SLC7A2: variants seen among roughly 807,000 people sequenced by gnomAD.
SLC7A2 encodes cationic amino acid transporter 2.
In SLC7A2, 48 loss-of-function variants were observed where a neutral mutation model predicts 58.9. The observed-to-expected ratio is 0.82, with a 90% CI of 0.65 to 1.04. The LOEUF (loss-of-function observed/expected upper bound fraction) is 1.04. Among genes scored for constraint, SLC7A2 ranks in the 50% least tolerant of loss-of-function variants. SLC7A2 has a pLI of 0.00. For synonymous variants in SLC7A2, 363 were observed against 314.5 expected, an observed-to-expected ratio of 1.15 and a Z score of -1.63; for missense variants, 1,029 against 818.8, an observed-to-expected ratio of 1.26 and a Z score of -3.13.
chr8:17,562,090 C>T lies in SLC7A2; in HGVS notation c.1651C>T (p.Gln551Ter). ...VLTIWRQPQN[Q>*]QKVAFMVPFL... ...CACCATCTGGAGGCAGCCCCAGAAT[C>T]AGCAAAAAGTAGCCTTCATGGTATG... is the stretch of plus-strand genomic sequence containing the variant. The change falls in exon 11 of 13, where the codon CAG becomes TAG. Residue 551 changes from glutamine to a stop codon, truncating the protein, a stop_gained. Coordinates refer to ENST00000494857, the MANE Select transcript of SLC7A2 (RefSeq NM_001370338.1). LOFTEE classifies it high-confidence loss of function. The T allele has an allele frequency of 6.2e-7, 1 of 1,609,428 alleles. No individual in the cohort carries two copies. Among genetic ancestry groups the T allele is most frequent in the Non-Finnish European group, 8.5e-7 (1 of 1,178,118 alleles).
Position 17,548,852 on chromosome 8 carries a change from T to C in SLC7A2, c.698+9T>C, listed in dbSNP as rs1200399000. On this transcript the variant is annotated intron_variant, in intron 5 of 12. Coordinates refer to ENST00000494857, the MANE Select transcript of SLC7A2 (RefSeq NM_001370338.1). ...ATATCAGCAAGTGCCAGGTAAAATA[T>C]TTGAGGTTTTTTTTTTTCTCCTTCT... 6.9e-7 allele frequency: 1 copy of C among 1,454,908 alleles called. No individual in the cohort carries two copies. Among genetic ancestry groups the C allele is most frequent in the Admixed American group, 2.5e-5 (1 of 39,480 alleles). The allele number at this position is 1,454,908 out of a possible 1,614,324, so 90.1% of individuals were successfully genotyped here.
intron 10 of SLC7A2, 129 bp downstream of exon 10, chr8:17,560,662 C>T (rs1388822862): frequency 1.7e-5 from 12 of 711,022 alleles, no homozygotes; most frequent in Non-Finnish European, 2.7e-5. Context: ...CTGAAATTTT[C>T]ACCTAAAGCA....
At chr8:17,556,649 C>A (rs1327407312) in intron 8 of SLC7A2, among the ~76,000 whole-genome samples, 1 of 151,738 alleles carries the variant, frequency 6.6e-6, no homozygotes, top group East Asian at 1.9e-4. Flanking sequence ...CACTCTGTCA[C>A]CCAGGCTGGA....
At chr8:17,513,159 T>C (rs1179273735) in intron 2 of SLC7A2, among the ~76,000 whole-genome samples, 1 of 152,210 alleles carries the variant, frequency 6.6e-6, no homozygotes, top group Non-Finnish European at 1.5e-5. Context: ...TTCAGTTTTT[T>C]TGGTCATATA....
chr8:17,496,912 C>A (rs931661050), upstream of SLC7A2, among the ~76,000 whole-genome samples: 1 of 151,828 alleles, frequency 6.6e-6, no homozygotes, highest in African/African-American at 2.4e-5. Context: ...CCAGGCAAAC[C>A]CCGCTGAGCA....
rs557563163 is a variant in SLC7A2 at position 17,544,879 on chromosome 8, G to A, written c.532+273G>A. ...GATGAGGACATTGATTTTTTAAATC[G>A]TTAATTGCAGGTTTGCAGGAATAGC... On this transcript the variant is annotated intron_variant, in intron 4 of 12. Coordinates refer to ENST00000494857, the MANE Select transcript of SLC7A2 (RefSeq NM_001370338.1). 1.4e-4 allele frequency among the ~76,000 whole-genome samples: 22 copies of A among 152,288 alleles called. No homozygotes were observed. In the South Asian group the frequency reaches 3.5e-3, roughly 24 times the overall value.
intron 2 of SLC7A2, among the ~76,000 whole-genome samples, chr8:17,506,643 G>A (rs1026070092): frequency 6.6e-6 from 1 of 152,234 alleles, no homozygotes; most frequent in Non-Finnish European, 1.5e-5. Context: ...TAACTCATCT[G>A]AGGTTAGACA....
At chr8:17,509,675 C>A (rs953530973) in intron 2 of SLC7A2, among the ~76,000 whole-genome samples, 1 of 151,924 alleles carries the variant, frequency 6.6e-6, no homozygotes, top group South Asian at 2.1e-4. Flanking sequence ...TTTATTTTTT[C>A]GCCTCCAACA....
Position 17,543,443 on chromosome 8 carries a change from C to A in SLC7A2, c.104C>A (p.Ser35Tyr), listed in dbSNP as rs1263212530. Residue 35 changes from serine to tyrosine, a missense_variant, in exon 3 of 13, where the codon TCC becomes TAC. By Grantham distance (144) the Ser-to-Tyr change is moderately radical. Coordinates refer to ENST00000494857, the MANE Select transcript of SLC7A2 (RefSeq NM_001370338.1). ...GACACCAAATTATGCCGCTGCTTAT[C>A]CACCATGGACCTCATTGCCCTGGGC... ...LEDTKLCRCLSTMDLIALGVG... is the reference protein window; with the variant it reads ...LEDTKLCRCLYTMDLIALGVG... 3.7e-6 allele frequency: 6 copies of A among 1,614,174 alleles called. No individual in the cohort carries two copies. Among genetic ancestry groups the A allele is most frequent in the Non-Finnish European group, 5.1e-6 (6 of 1,180,040 alleles).
chr8:17,509,359 G>T (rs940817866), intron 2 of SLC7A2, among the ~76,000 whole-genome samples: 4 of 152,082 alleles, frequency 2.6e-5, no homozygotes, highest in Admixed American at 2.6e-4. Flanking sequence ...CCGTTGGAGT[G>T]CAGTGGTGTG....
In SLC7A2 at chr8:17,558,356, C is replaced by G. The variant is rs1802807223; in HGVS notation, c.1257C>G (p.Leu419=). ...ALVDMMSIGT[L]MAYSLVAACV... is the part of the protein sequence containing the mutation. Reference sequence around the variant, plus strand: ...TGGACATGATGTCCATTGGCACACTCATGGCCTACTCTCTGGTGGCAGCCT... The same window carrying G: ...TGGACATGATGTCCATTGGCACACTGATGGCCTACTCTCTGGTGGCAGCCT... The change falls in exon 9 of 13, where the codon CTC becomes CTG. Residue 419 remains leucine (L), a synonymous_variant. Coordinates refer to ENST00000494857, the MANE Select transcript of SLC7A2 (RefSeq NM_001370338.1). The G allele has an allele frequency of 1.9e-6, 3 of 1,613,552 alleles. No homozygotes were observed. Among genetic ancestry groups the G allele is most frequent in the Non-Finnish European group, 2.5e-6 (3 of 1,179,712 alleles).
rs147447455 is a variant in SLC7A2, at chr8:17,543,477, C to T, written c.138C>T (p.Ser46=). The T allele has an allele frequency of 3.1e-4, 500 of 1,614,048 alleles. No homozygotes were observed. The highest frequency in any genetic ancestry group is 4.0e-4 in the Non-Finnish European group (476 of 1,180,032). The part of the protein sequence containing the change: ...TMDLIALGVG[S]TLGAGVYVLA... ...ACCTCATTGCCCTGGGCGTTGGAAG[C>T]ACCCTTGGGGCCGGGGTTTATGTCC... The change falls in exon 3 of 13, where the codon AGC becomes AGT. Residue 46 remains serine (S), a synonymous_variant. Coordinates refer to ENST00000494857, the MANE Select transcript of SLC7A2 (RefSeq NM_001370338.1).
In SLC7A2 at chr8:17,550,172, A is replaced by T. The variant is rs188018912; in HGVS notation, c.699-129A>T. On this transcript the variant is annotated intron_variant, in intron 5 of 12. Coordinates refer to ENST00000494857, the MANE Select transcript of SLC7A2 (RefSeq NM_001370338.1). ...CACAGGGTGAGAGAGTAAAGTTTTAATTTTATGTATATCATCTTCAAAGAG... is the reference window on the plus strand; with the variant it reads ...CACAGGGTGAGAGAGTAAAGTTTTATTTTTATGTATATCATCTTCAAAGAG... 7.2e-5 allele frequency: 60 copies of T among 837,070 alleles called. No homozygotes were observed. In the Admixed American group the frequency reaches 1.0e-3, roughly 15 times the overall value. 51.9% of individuals were successfully genotyped at this position (837,070 alleles called of 1,614,324 possible).
chr8:17,499,416 C>G (rs1017650081), intron 1 of SLC7A2, among the ~76,000 whole-genome samples: 3 of 150,622 alleles, frequency 2.0e-5, no homozygotes, highest in Admixed American at 1.3e-4. Flanking sequence ...CATTCTCTCT[C>G]CCCCCTTCTC....
In SLC7A2 at chr8:17,521,710, G is replaced by C. The variant is rs573563903; in HGVS notation, c.-23+19408G>C. Among the ~76,000 whole-genome samples, 13 of 152,320 alleles carry C rather than the reference G, an allele frequency of 8.5e-5. No homozygotes were observed. The East Asian group carries it at 2.5e-3, about 29-fold the overall frequency. On this transcript the variant is annotated intron_variant, in intron 2 of 12. Coordinates refer to ENST00000494857, the MANE Select transcript of SLC7A2 (RefSeq NM_001370338.1). ...AGCATGGGGTGCTGCGGTATGCTTG[G>C]CCAAGGAGGAAATCTCAAGAGCCGA...
intron 11 of SLC7A2, 136 bp from the exon 12 acceptor site, chr8:17,563,467 T>C: frequency 1.6e-6 from 1 of 618,140 alleles, no homozygotes. Flanking sequence ...TTTTATGGTC[T>C]CTAGAAGCGT....
At chr8:17,521,464 G>T (rs748076769) in intron 2 of SLC7A2, among the ~76,000 whole-genome samples, 1 of 152,146 alleles carries the variant, frequency 6.6e-6, no homozygotes, top group Admixed American at 6.5e-5. Context: ...TTCTGTAAAC[G>T]TCTTGGTTAA....
intron 2 of SLC7A2, among the ~76,000 whole-genome samples, chr8:17,518,620 AC>A: frequency 5.6e-5 from 1 of 17,748 alleles, no homozygotes; most frequent in South Asian, 3.9e-3. Flanking sequence ...AGTGGCCACA[AC>A]AAAACAAAAC....
chr8:17,570,052 A>T lies in SLC7A2; in HGVS notation c.*4906A>T, dbSNP rs1349293978. ...TATCAAGATGAATAAGGACCAAGGG[A>T]CCTCTGTGACTCATAGAAGGGCTGG... is the stretch of plus-strand genomic sequence containing the variant. On this transcript the variant is annotated 3_prime_UTR_variant, in exon 13 of 13. Transcript: ENST00000494857. 6.6e-6 allele frequency: 1 copy of T among 152,088 alleles called. No homozygotes were observed. Among genetic ancestry groups the T allele is most frequent in the Non-Finnish European group, 1.5e-5 (1 of 68,014 alleles). 9.4% of individuals were successfully genotyped at this position (152,088 alleles called of 1,614,324 possible).
Sources: gnomAD v4.1 joint callset for allele counts (sites outside exome capture counted in the v4.1 genomes callset) on GRCh38, gnomAD v4.1.1 for gene constraint, MANE v1.5 for transcripts, NCBI Gene and HGNC (gene_info 2026-07-23, HGNC 2026-07-21) for gene names.